MBNL2: variants seen among roughly 807,000 people sequenced by gnomAD.
MBNL2 encodes the protein muscleblind-like protein 2.
In MBNL2, 17 loss-of-function variants were observed where a neutral mutation model predicts 41.9. That is an observed-to-expected ratio of 0.41 (90% CI 0.28 to 0.61). The LOEUF (loss-of-function observed/expected upper bound fraction) is 0.61. MBNL2 is among the 20% of genes least tolerant of loss of function. The probability of loss-of-function intolerance (pLI) is 0.35; values close to 1 mark genes in which losing one functional copy is unlikely to be tolerated. For missense variants in MBNL2, 336 were observed against 505.6 expected (o/e 0.66, Z 3.22); for synonymous variants, 195 against 182.9 (o/e 1.07, Z -0.53).
At chr13:97,163,276 TAC>T in the MBNL2 span, among the ~76,000 whole-genome samples, 1 of 152,196 alleles carries the variant, frequency 6.6e-6, no homozygotes, top group Non-Finnish European at 1.5e-5. Flanking sequence ...GAGGTCCAGA[TAC>T]CATGTATTCA....
intron 8 of MBNL2, among the ~76,000 whole-genome samples, chr13:97,367,187 G>A (rs531425741): frequency 1.3e-5 from 2 of 152,288 alleles, no homozygotes; most frequent in South Asian, 4.1e-4. Flanking sequence ...TAACTCTGTT[G>A]GTTTAATGCA....
chr13:97,187,773 G>A, the MBNL2 span, among the ~76,000 whole-genome samples: 2 of 151,848 alleles, frequency 1.3e-5, no homozygotes, highest in African/African-American at 2.4e-5. Flanking sequence ...CGGGAGAGGT[G>A]GCGGGCGCCT....
rs193002237 is a variant in MBNL2, at chr13:97,365,376, C to T, written c.1048+205C>T. Among the ~76,000 whole-genome samples the T allele has an allele frequency of 3.1e-4, 47 of 152,270 alleles. No homozygotes were observed. In the South Asian group the frequency reaches 6.6e-3, roughly 22 times the overall value. ...TTTAATGTGACCTCTTGTGCTAGAA[C>T]AATCACTACAAAAACATAAAGCCAC... On this transcript the variant is annotated intron_variant, in intron 8 of 8. Coordinates refer to ENST00000679496, the MANE Select transcript of MBNL2 (RefSeq NM_001382683.1).
At chr13:97,243,799 A>G (rs1431080597) in intron 1 of MBNL2, among the ~76,000 whole-genome samples, 1 of 152,246 alleles carries the variant, frequency 6.6e-6, no homozygotes, top group Non-Finnish European at 1.5e-5. Context: ...ATGTGGATGC[A>G]GAGAAAGAGG....
chr13:97,340,306 A>G (rs374631351), intron 3 of MBNL2, among the ~76,000 whole-genome samples: 1 of 152,220 alleles, frequency 6.6e-6, no homozygotes, highest in Non-Finnish European at 1.5e-5. Context: ...CTGTCTTCGT[A>G]AGGCCTATGA....
chr13:97,375,463 G>GAGAC (rs1362614821), intron 8 of MBNL2, among the ~76,000 whole-genome samples: 1 of 152,194 alleles, frequency 6.6e-6, no homozygotes, highest in Non-Finnish European at 1.5e-5. Flanking sequence ...GTGTAGGAAT[G>GAGAC]AGACAGAGAA....
At position 97,334,571 on chromosome 13, in the gene MBNL2, C is replaced by A; in HGVS notation, c.339+131C>A. The stretch of plus-strand genomic sequence containing the variant: ...AATTAAAGCAAATAGCTTTAAAGCT[C>A]AATAGATGAAGGAAAATAGGCTTTT... On this transcript the variant is annotated intron_variant, in intron 3 of 8. Coordinates refer to ENST00000679496, the MANE Select transcript of MBNL2 (RefSeq NM_001382683.1). This position sits in a 1 kb window ranked among gnomAD's most constrained non-coding sequence, Gnocchi z 5.3. The A allele has an allele frequency of 1.9e-6, 1 of 526,612 alleles. No homozygotes were observed. Among genetic ancestry groups the A allele is most frequent in the Non-Finnish European group, 3.2e-6 (1 of 310,356 alleles). The allele number at this position is 526,612 out of a possible 1,614,324, so 32.6% of individuals were successfully genotyped here.
At chr13:97,281,818 T>A (rs1381362454) in intron 2 of MBNL2, among the ~76,000 whole-genome samples, 3 of 152,214 alleles carry the variant, frequency 2.0e-5, no homozygotes, top group Non-Finnish European at 4.4e-5. Flanking sequence ...CATGATTAAG[T>A]CACCCTTATA....
chr13:97,361,302 TGG>T (rs1029856054), intron 7 of MBNL2, among the ~76,000 whole-genome samples: 7 of 152,056 alleles, frequency 4.6e-5, no homozygotes, highest in African/African-American at 1.7e-4. Flanking sequence ...ATTTTATCAG[TGG>T]GGGAAAAGCA....
rs550542522 is a variant in MBNL2, at chr13:97,355,971, G to T, written c.805-825G>T. On this transcript the variant is annotated intron_variant, in intron 5 of 8. Transcript: ENST00000679496. ...CTTAGTATAATCCGGTAAGTTTTTT[G>T]AGATAAATGAAATGAACATTTCAAA... 1.1e-4 allele frequency among the ~76,000 whole-genome samples: 17 copies of T among 152,248 alleles called. No homozygotes were observed. The East Asian group carries it at 2.9e-3, about 26-fold the overall frequency.
chr13:97,261,182 A>G (rs1402698890), intron 1 of MBNL2, among the ~76,000 whole-genome samples: 1 of 152,034 alleles, frequency 6.6e-6, no homozygotes, highest in Non-Finnish European at 1.5e-5. Context: ...TGCACAGCAC[A>G]TGTGATTATG....
At chr13:97,365,278 G>T in intron 8 of MBNL2, 107 bp downstream of exon 8, 1 of 817,234 alleles carries the variant, frequency 1.2e-6, no homozygotes, top group Admixed American at 1.8e-5. Context: ...TAGTAGATTT[G>T]AAGGCTTATT....
At chr13:97,305,969 C>G (rs2058085457) in intron 2 of MBNL2, among the ~76,000 whole-genome samples, 1 of 152,182 alleles carries the variant, frequency 6.6e-6, no homozygotes, top group Admixed American at 6.5e-5. Context: ...TTAATTCCAA[C>G]AGATTCCGGT....
Position 97,366,562 on chromosome 13 carries a change from C to A in MBNL2, c.1048+1391C>A, listed in dbSNP as rs978389088. ...CAGCCACAGCCAATCAGGTTTGCTCCTTTTAAAGCTTTCTTTCACAAATCC... is the reference window on the plus strand; with the variant it reads ...CAGCCACAGCCAATCAGGTTTGCTCATTTTAAAGCTTTCTTTCACAAATCC... On this transcript the variant is annotated intron_variant, in intron 8 of 8. Transcript: ENST00000679496. This position sits in a 1 kb window ranked among gnomAD's most constrained non-coding sequence, Gnocchi z 4.7. The A allele has an allele frequency of 1.9e-6, 3 of 1,566,030 alleles. No homozygotes were observed. The highest frequency in any genetic ancestry group is 2.6e-6 in the Non-Finnish European group (3 of 1,139,320).
the MBNL2 span, among the ~76,000 whole-genome samples, chr13:97,154,252 A>T: frequency 6.6e-6 from 1 of 152,138 alleles, no homozygotes; most frequent in Admixed American, 6.6e-5. Context: ...TAAAAATTTT[A>T]AATAAGGCTT....
chr13:97,266,847 G>C (rs973993963), intron 1 of MBNL2, among the ~76,000 whole-genome samples: 3 of 152,114 alleles, frequency 2.0e-5, no homozygotes, highest in African/African-American at 4.8e-5. Flanking sequence ...AGAATTAAAG[G>C]CATCCTATAA....
At chr13:97,214,044 C>T in the MBNL2 span, among the ~76,000 whole-genome samples, 4 of 152,208 alleles carry the variant, frequency 2.6e-5, no homozygotes, top group Non-Finnish European at 5.9e-5. Flanking sequence ...TGCTAGAACC[C>T]ACCCACTTCT....
chr13:97,370,823 G>A (rs1314727357), intron 8 of MBNL2, among the ~76,000 whole-genome samples: 1 of 152,060 alleles, frequency 6.6e-6, no homozygotes, highest in Non-Finnish European at 1.5e-5. Flanking sequence ...CAGGTTCATG[G>A]GTTTCTTTTG....
chr13:97,300,657 C>T (rs2057528814), intron 2 of MBNL2, among the ~76,000 whole-genome samples: 1 of 152,156 alleles, frequency 6.6e-6, no homozygotes, highest in African/African-American at 2.4e-5. Flanking sequence ...GCAACATTGC[C>T]TTTCTCTTCA....
Sources: gnomAD v4.1 joint callset for allele counts (sites outside exome capture counted in the v4.1 genomes callset) on GRCh38, gnomAD v4.1.1 for gene constraint, Gnocchi (gnomAD v3.1) non-coding constraint, MANE v1.5 for transcripts, NCBI Gene and HGNC (gene_info 2026-07-23, HGNC 2026-07-21) for gene names.